Variants in COL23A1 observed in about 807,000 individuals in gnomAD.
The protein encoded by COL23A1 is collagen type XXIII alpha 1 chain, also known as collagen alpha-1(XXIII) chain.
COL23A1 carries 97 observed loss-of-function variants against 99.3 expected under a neutral mutation model. The ratio of observed to expected loss-of-function variants is 0.98; its 90% CI spans 0.83 to 1.16. The LOEUF is 1.16. Among genes scored for constraint, COL23A1 ranks in the 50% most tolerant of loss-of-function variants. COL23A1 has a pLI of 0.00. For missense variants in COL23A1, 762 were observed against 757.4 expected, an observed-to-expected ratio of 1.01 and a Z score of -0.07; for synonymous variants, 320 against 308.2, an observed-to-expected ratio of 1.04 and a Z score of -0.40.
intron 2 of COL23A1, among the ~76,000 whole-genome samples, chr5:178,379,169 ATT>A (rs1763238046): frequency 1.3e-5 from 2 of 152,262 alleles, no homozygotes; most frequent in East Asian, 1.9e-4. Context: ...TGATTAAATT[ATT>A]GTGTATCTAT....
At chr5:178,251,688 T>C (rs1389435596) in intron 17 of COL23A1, among the ~76,000 whole-genome samples, 1 of 152,152 alleles carries the variant, frequency 6.6e-6, no homozygotes, top group African/African-American at 2.4e-5. Context: ...GGGGTGAACA[T>C]AGCACCTGAT....
intron 2 of COL23A1, among the ~76,000 whole-genome samples, chr5:178,331,452 G>A (rs1760013945): frequency 6.6e-6 from 1 of 152,230 alleles, no homozygotes; most frequent in South Asian, 2.1e-4. Context: ...GGCATAACAT[G>A]GCACTTGTCT....
At chr5:178,476,970 C>A (rs572647322) in intron 2 of COL23A1, among the ~76,000 whole-genome samples, 3 of 152,286 alleles carry the variant, frequency 2.0e-5, no homozygotes, top group African/African-American at 7.2e-5. Context: ...GTTTCCAATC[C>A]TAGCTTTGTT....
chr5:178,463,958 C>T (rs1176597844), intron 2 of COL23A1, among the ~76,000 whole-genome samples: 1 of 152,192 alleles, frequency 6.6e-6, no homozygotes, highest in African/African-American at 2.4e-5. Context: ...GCCTCCCGGC[C>T]GGGCGTGAGC....
At chr5:178,491,161 A>G (rs1393251054) in intron 2 of COL23A1, among the ~76,000 whole-genome samples, 1 of 151,694 alleles carries the variant, frequency 6.6e-6, no homozygotes, top group Non-Finnish European at 1.5e-5. Flanking sequence ...GAAGAGAGAG[A>G]AAGGGAAAGA....
rs945963656 is a variant in COL23A1 at position 178,428,939 on chromosome 5, G to A, written c.362-122020C>T. 2.7e-5 allele frequency among the ~76,000 whole-genome samples: 4 copies of A among 147,182 alleles called. No homozygotes were observed. Among genetic ancestry groups the A allele is most frequent in the Non-Finnish European group, 4.4e-5 (3 of 67,930 alleles). ...TCCCTACCCGCACACAGACAGGCAG[G>A]CCCTCCGTGAGTGTCCTGAGACCCT... is the stretch of plus-strand genomic sequence containing the variant. On this transcript the variant is annotated intron_variant, in intron 2 of 28. Transcript: ENST00000390654. This position sits in a 1 kb window ranked among gnomAD's most constrained non-coding sequence, Gnocchi z 5.0.
chr5:178,253,235 C>A (rs575321081), intron 16 of COL23A1, among the ~76,000 whole-genome samples: 1 of 151,976 alleles, frequency 6.6e-6, no homozygotes, highest in Non-Finnish European at 1.5e-5. Context: ...AAAACTGCAC[C>A]CTGCCCAGCC....
intron 2 of COL23A1, among the ~76,000 whole-genome samples, chr5:178,455,195 A>T (rs909659429): frequency 6.6e-6 from 1 of 152,236 alleles, no homozygotes; most frequent in African/African-American, 2.4e-5. Flanking sequence ...GGGGGGACAC[A>T]GTTCAACCCG....
chr5:178,316,173 G>C (rs1221307560), intron 2 of COL23A1, among the ~76,000 whole-genome samples: 1 of 152,092 alleles, frequency 6.6e-6, no homozygotes, highest in Non-Finnish European at 1.5e-5. Context: ...ACTAATACAC[G>C]TTCGTAATTC....
intron 2 of COL23A1, among the ~76,000 whole-genome samples, chr5:178,540,669 C>T (rs1435648671): frequency 1.3e-5 from 2 of 152,076 alleles, no homozygotes; most frequent in Admixed American, 6.6e-5. Flanking sequence ...TGCCTGCAGT[C>T]CCAGCACTTT....
intron 1 of COL23A1, among the ~76,000 whole-genome samples, chr5:178,573,871 TTTG>T (rs1763224527): frequency 6.6e-6 from 1 of 151,590 alleles, no homozygotes; most frequent in South Asian, 2.1e-4. Flanking sequence ...TTTTTTTTTC[TTTG>T]TTGAGACAGA....
intron 2 of COL23A1, among the ~76,000 whole-genome samples, chr5:178,341,532 C>T (rs66564848): frequency 0.11 from 16,924 of 152,260 alleles, 1,000 homozygotes; most frequent in Middle Eastern, 0.19. Flanking sequence ...AATCTACAAG[C>T]AAACAGGACA....
chr5:178,327,211 G>C (rs771560660), intron 2 of COL23A1, among the ~76,000 whole-genome samples: 6 of 152,174 alleles, frequency 3.9e-5, no homozygotes, highest in African/African-American at 1.4e-4. Context: ...GGGATACTTC[G>C]GTGAGTGCAT....
At chr5:178,556,714 A>C (rs562105769) in intron 2 of COL23A1, among the ~76,000 whole-genome samples, 63 of 151,698 alleles carry the variant, frequency 4.2e-4, no homozygotes, top group Non-Finnish European at 4.6e-4. Context: ...ACACTTTGGG[A>C]GGCTGAGGCA....
chr5:178,487,623 G>T (rs1164322010), intron 2 of COL23A1, among the ~76,000 whole-genome samples: 1 of 152,188 alleles, frequency 6.6e-6, no homozygotes, highest in African/African-American at 2.4e-5. Flanking sequence ...CCTGTCCGGG[G>T]AATGACTCCG....
Position 178,293,633 on chromosome 5 carries a change from G to C in COL23A1, c.407-3264C>G, listed in dbSNP as rs565357290. Among the ~76,000 whole-genome samples, 112 of 151,952 alleles carry C rather than the reference G, an allele frequency of 7.4e-4. 3 individuals are homozygous for C. In the South Asian group the frequency reaches 0.023, roughly 31 times the overall value. On this transcript the variant is annotated intron_variant, in intron 3 of 28. Transcript: ENST00000390654. Reference sequence around the variant, plus strand: ...ATGTGGAGGGGACTGGGTTCAGTCTGGGGTGGGGCTTTTGCTGAGTAAGAA... The same window carrying C: ...ATGTGGAGGGGACTGGGTTCAGTCTCGGGTGGGGCTTTTGCTGAGTAAGAA...
chr5:178,509,878 C>T (rs1759104320), intron 2 of COL23A1, among the ~76,000 whole-genome samples: 1 of 152,180 alleles, frequency 6.6e-6, no homozygotes. Flanking sequence ...CTATTTAAAC[C>T]ATAAATCATG....
intron 2 of COL23A1, among the ~76,000 whole-genome samples, chr5:178,478,704 C>T (rs1398536019): frequency 2.0e-5 from 3 of 152,096 alleles, no homozygotes; most frequent in Admixed American, 6.5e-5. Context: ...GAAAAATACC[C>T]GAGGCCAGTT....
At chr5:178,240,299 G>T (rs1028091243) in intron 27 of COL23A1, among the ~76,000 whole-genome samples, 1 of 152,218 alleles carries the variant, frequency 6.6e-6, no homozygotes, top group Admixed American at 6.5e-5. Flanking sequence ...ATTCCCATGT[G>T]TACACCAGGG....
Sources: allele counts gnomAD v4.1 joint callset (sites outside exome capture counted in the v4.1 genomes callset), GRCh38; gene constraint gnomAD v4.1.1; non-coding constraint Gnocchi (gnomAD v3.1); transcripts MANE v1.5; gene names NCBI Gene and HGNC (gene_info 2026-07-23, HGNC 2026-07-21).